Variants in PRUNE2 observed in about 807,000 individuals in gnomAD.
PRUNE2 encodes protein prune homolog 2.
Under a neutral mutation model 252.0 loss-of-function variants are expected in PRUNE2, and 164 were observed. That is an observed-to-expected ratio of 0.65 (90% CI 0.57 to 0.74). PRUNE2 has a LOEUF of 0.74. PRUNE2 is among the 30% of genes least tolerant of loss of function. The pLI, the probability that PRUNE2 is intolerant of heterozygous loss-of-function variation, is 0.00. For synonymous variants in PRUNE2, 1,292 were observed against 1,350.2 expected (o/e 0.96, Z 0.94); for missense variants, 3,495 against 3,711.0 (o/e 0.94, Z 1.51).
intron 6 of PRUNE2, among the ~76,000 whole-genome samples, chr9:76,757,808 T>G (rs765289755): frequency 2.0e-5 from 3 of 152,096 alleles, no homozygotes; most frequent in East Asian, 3.9e-4. Context: ...CATGGTGGCA[T>G]GCATCTATAG....
At position 76,897,390 on chromosome 9, in the gene PRUNE2, C is replaced by CTATTTT. The variant is rs1564527202; in HGVS notation, c.36+8537_36+8538insAAAATA. Among the ~76,000 whole-genome samples the CTATTTT allele has an allele frequency of 7.1e-5, 4 of 56,252 alleles. 1 individual carries two copies. The highest frequency in any genetic ancestry group is 1.1e-4 in the Non-Finnish European group (3 of 27,574). The allele number at this position is 56,252 out of a possible 152,430, so 36.9% of individuals were successfully genotyped here. ...TGGCTATGCAACCTTAGGCAAACCT[C>CTATTTT]TTTTTTTTTTTTTTTTTTTTTTTTT... On this transcript the variant is annotated intron_variant, in intron 1 of 18. Transcript: ENST00000376718.
chr9:76,632,839 G>T (rs1415700519), intron 15 of PRUNE2, among the ~76,000 whole-genome samples: 1 of 152,168 alleles, frequency 6.6e-6, no homozygotes, highest in East Asian at 1.9e-4. Flanking sequence ...GGAATTATAG[G>T]CACAAGTCTA....
rs73650283 is a variant in PRUNE2 at position 76,707,640 on chromosome 9, G to A, written c.4634C>T (p.Ala1545Val). Residue 1545 changes from alanine (A) to valine (V), a missense_variant, in exon 8 of 19, where the codon GCA becomes GTA. Coordinates refer to ENST00000376718, the MANE Select transcript of PRUNE2 (RefSeq NM_015225.3). ...TISSEYTHSS[A>V]SSPELNDSSV... is the part of the protein sequence containing the mutation. Reference sequence around the variant, plus strand: ...AGAGTCATTTAACTCAGGACTTGATGCACTTGAATGAGTATACTCACTAGA... The same window carrying A: ...AGAGTCATTTAACTCAGGACTTGATACACTTGAATGAGTATACTCACTAGA... 1,159 of 1,613,802 alleles carry A rather than the reference G, an allele frequency of 7.2e-4. 6 individuals are homozygous for A. The African/African-American group carries it at 8.9e-3, about 12-fold the overall frequency.
At chr9:76,770,916 A>C (rs2053027504) in intron 6 of PRUNE2, among the ~76,000 whole-genome samples, 1 of 152,168 alleles carries the variant, frequency 6.6e-6, no homozygotes, top group Admixed American at 6.5e-5. Context: ...CCAAAAATTA[A>C]ATTTCAAAAA....
Position 76,850,513 on chromosome 9 carries a change from A to G in PRUNE2, c.294T>C (p.Asn98=). ...GTGTTATCGATAACTTCCCTTCATC[A>G]TTTAGCTGATGCAGGTTAATTTCAT... ...FRDEINLHQL[N]DEGKLSITLV... is the part of the protein sequence containing the mutation. The change falls in exon 3 of 19, where the codon AAT becomes AAC. Residue 98 remains asparagine, a synonymous_variant. Coordinates refer to ENST00000376718, the MANE Select transcript of PRUNE2 (RefSeq NM_015225.3). 1 of 1,614,072 alleles carries G rather than the reference A, an allele frequency of 6.2e-7. No individual in the cohort carries two copies. Among genetic ancestry groups the G allele is most frequent in the South Asian group, 1.1e-5 (1 of 91,084 alleles).
rs557608713 is a variant in PRUNE2 at position 76,890,615 on chromosome 9, G to A, written c.36+15313C>T. Among the ~76,000 whole-genome samples, 19 of 152,290 alleles carry A rather than the reference G, an allele frequency of 1.2e-4. 1 individual carries two copies. In the South Asian group the frequency reaches 3.9e-3, roughly 32 times the overall value. On this transcript the variant is annotated intron_variant, in intron 1 of 18. Transcript: ENST00000376718. ...ATGCAGATCACATCAGTCTCTCAGA[G>A]TCAGTGATTCCACTCCCACCCAACA...
At chr9:76,629,122 C>A (rs962704100) in intron 16 of PRUNE2, 70 bp downstream of exon 16, 35 of 910,126 alleles carry the variant, frequency 3.8e-5, no homozygotes, top group African/African-American at 6.7e-5. Flanking sequence ...GGATTACAGG[C>A]GTGAGCCACC....
chr9:76,703,437 G>A lies in PRUNE2; in HGVS notation c.8176C>T (p.Leu2726Phe). ...TTTTTCTGAACAGGCTGTGGTGAAA[G>A]CATTTCCCATTCATTGTCATGGGTG... ...AVTHDNEWEM[L>F]SPQPVQKNMI... The change falls in exon 9 of 19, where the codon CTT becomes TTT. Residue 2726 changes from leucine (L) to phenylalanine (F), a missense_variant. Leu to Phe is a conservative substitution (Grantham distance 22, BLOSUM62 0). Coordinates refer to ENST00000376718, the MANE Select transcript of PRUNE2 (RefSeq NM_015225.3). 1 of 1,613,772 alleles carries A rather than the reference G, an allele frequency of 6.2e-7. No individual in the cohort carries two copies. The highest frequency in any genetic ancestry group is 8.5e-7 in the Non-Finnish European group (1 of 1,179,810).
At chr9:76,643,690 G>A (rs1048467640) in intron 12 of PRUNE2, among the ~76,000 whole-genome samples, 1 of 152,364 alleles carries the variant, frequency 6.6e-6, no homozygotes, top group African/African-American at 2.4e-5. Flanking sequence ...CAGGGCCAGG[G>A]ACTGGCATTC....
chr9:76,715,646 A>G (rs2047086038), intron 6 of PRUNE2, among the ~76,000 whole-genome samples: 1 of 152,224 alleles, frequency 6.6e-6, no homozygotes, highest in Non-Finnish European at 1.5e-5. Context: ...GTCAGCTTTC[A>G]TGCTTTTTAT....
chr9:76,621,033 A>G (rs1241674111), intron 17 of PRUNE2, among the ~76,000 whole-genome samples: 2 of 152,180 alleles, frequency 1.3e-5, no homozygotes, highest in African/African-American at 2.4e-5. Flanking sequence ...TCTGAAGTCA[A>G]TTAGAGTTGG....
chr9:76,811,054 A>T (rs1437268924), intron 6 of PRUNE2, among the ~76,000 whole-genome samples: 1 of 152,244 alleles, frequency 6.6e-6, no homozygotes, highest in African/African-American at 2.4e-5. Context: ...AGAGAATATA[A>T]ATGAGAAGAA....
intron 6 of PRUNE2, among the ~76,000 whole-genome samples, chr9:76,771,973 C>G (rs749721068): frequency 7.9e-5 from 12 of 152,286 alleles, no homozygotes; most frequent in East Asian, 1.9e-4. Flanking sequence ...ATGAAGATGC[C>G]AAACACAAAT....
chr9:76,806,962 G>A (rs2056987481), intron 6 of PRUNE2, among the ~76,000 whole-genome samples: 1 of 152,034 alleles, frequency 6.6e-6, no homozygotes, highest in South Asian at 2.1e-4. Flanking sequence ...GCCGGTATGT[G>A]TCAGAGCGAA....
chr9:76,770,408 C>G (rs899147356), intron 6 of PRUNE2, among the ~76,000 whole-genome samples: 29 of 152,086 alleles, frequency 1.9e-4, no homozygotes, highest in Admixed American at 2.0e-4. Flanking sequence ...CATTTTCAAT[C>G]CAATCTATTG....
chr9:76,722,821 C>T (rs1398783238), intron 6 of PRUNE2, among the ~76,000 whole-genome samples: 2 of 152,178 alleles, frequency 1.3e-5, no homozygotes, highest in African/African-American at 4.8e-5. Flanking sequence ...GGGACTTAAA[C>T]CCAGGTTAGT....
intron 10 of PRUNE2, among the ~76,000 whole-genome samples, chr9:76,654,132 A>C (rs1163321418): frequency 6.6e-6 from 1 of 152,180 alleles, no homozygotes; most frequent in Non-Finnish European, 1.5e-5. Flanking sequence ...AAAACAAAAC[A>C]AAACCCTACA....
At position 76,707,554 on chromosome 9, in the gene PRUNE2, C is replaced by G; in HGVS notation, c.4720G>C (p.Gly1574Arg). 1 of 1,613,918 alleles carries G rather than the reference C, an allele frequency of 6.2e-7. No individual in the cohort carries two copies. The highest frequency in any genetic ancestry group is 8.5e-7 in the Non-Finnish European group (1 of 1,179,886). Residue 1574 changes from glycine to arginine, a missense_variant, in exon 8 of 19, where the codon GGC (glycine) becomes CGC (arginine). Coordinates refer to ENST00000376718, the MANE Select transcript of PRUNE2 (RefSeq NM_015225.3). The stretch of plus-strand genomic sequence containing the variant: ...TGGTGATTCTGTTCACTCCAGTTGC[C>G]TTGGTTTTCTTCTTGATACCCAGAA... ...PSSGYQEENQGNWSEQNHQES... is the reference protein window; with the variant it reads ...PSSGYQEENQRNWSEQNHQES...
intron 6 of PRUNE2, among the ~76,000 whole-genome samples, chr9:76,751,335 TAC>T (rs1227122800): frequency 1.3e-5 from 2 of 152,168 alleles, no homozygotes; most frequent in Non-Finnish European, 2.9e-5. Flanking sequence ...TCAATGAAGT[TAC>T]TGAAATTTAG....
Sources: gnomAD v4.1 joint callset for allele counts (sites outside exome capture counted in the v4.1 genomes callset) on GRCh38, gnomAD v4.1.1 for gene constraint, MANE v1.5 for transcripts, NCBI Gene and HGNC (gene_info 2026-07-23, HGNC 2026-07-21) for gene names.